Variants in AKAP19 observed in about 807,000 individuals in gnomAD.
AKAP19 encodes A-kinase anchoring protein 19, also known as small A-kinase anchoring protein.
the AKAP19 span, among the ~76,000 whole-genome samples, chr2:190,112,647 T>G: frequency 6.6e-6 from 1 of 152,198 alleles, no homozygotes; most frequent in Non-Finnish European, 1.5e-5. Context: ...TCTGTTGAGT[T>G]GGTCAAATGA....
chr2:190,200,604 C>T, the AKAP19 span: 1 of 177,036 alleles, frequency 5.6e-6, no homozygotes, highest in Non-Finnish European at 1.4e-5. Context: ...TAGTGATTAA[C>T]AGTAAGTCTT....
At chr2:190,175,006 G>GAGTACATA in the AKAP19 span, among the ~76,000 whole-genome samples, 63,426 of 151,852 alleles carry the variant, frequency 0.42, 15,594 homozygotes, top group Non-Finnish European at 0.57. Context: ...TAGATTACAT[G>GAGTACATA]GAGTACATAG....
chr2:189,953,367 G>GGCTCACA, the AKAP19 span, among the ~76,000 whole-genome samples: 1 of 151,666 alleles, frequency 6.6e-6, no homozygotes, highest in African/African-American at 2.4e-5. Context: ...CGGGCATGGT[G>GGCTCACA]GCTCACACCT....
At chr2:190,162,979 G>A in the AKAP19 span, among the ~76,000 whole-genome samples, 4 of 152,152 alleles carry the variant, frequency 2.6e-5, no homozygotes, top group Non-Finnish European at 5.9e-5. Flanking sequence ...AAAAGCAAGT[G>A]GAGTGCATTA....
At chr2:189,907,703 T>A in the AKAP19 span, among the ~76,000 whole-genome samples, 1 of 152,072 alleles carries the variant, frequency 6.6e-6, no homozygotes, top group East Asian at 1.9e-4. Flanking sequence ...TTTGTCTGAG[T>A]AGTAGAATTA....
chr2:189,958,716 C>A, the AKAP19 span, among the ~76,000 whole-genome samples: 1 of 151,208 alleles, frequency 6.6e-6, no homozygotes, highest in Non-Finnish European at 1.5e-5. Context: ...TGTTCATCAA[C>A]AGTAAAATGT....
chr2:190,024,241 C>T, the AKAP19 span, among the ~76,000 whole-genome samples: 1 of 151,494 alleles, frequency 6.6e-6, no homozygotes, highest in African/African-American at 2.4e-5. Context: ...GGCTGGAATG[C>T]ACTTGGAATC....
the AKAP19 span, among the ~76,000 whole-genome samples, chr2:190,197,305 C>T: frequency 0.28 from 42,311 of 152,012 alleles, 6,452 homozygotes; most frequent in East Asian, 0.47. The surrounding 1 kb of genome is among the most constrained non-coding windows in gnomAD (Gnocchi z 4.0). Context: ...TAACTAAATA[C>T]GAAAGTGTTC....
the AKAP19 span, among the ~76,000 whole-genome samples, chr2:189,929,793 C>A: frequency 6.6e-6 from 1 of 150,922 alleles, no homozygotes; most frequent in South Asian, 2.1e-4. Context: ...AAGCTTTAAA[C>A]TACTTTTTTT....
the AKAP19 span, among the ~76,000 whole-genome samples, chr2:190,021,179 A>G: frequency 2.6e-5 from 4 of 152,216 alleles, no homozygotes; most frequent in Admixed American, 2.6e-4. Context: ...TGCTATGCCA[A>G]TATCATACTT....
At chr2:190,062,260 C>G in the AKAP19 span, 1 of 1,612,986 alleles carries the variant, frequency 6.2e-7, no homozygotes. Context: ...TCCGTTGTAG[C>G]GTGATAATCG....
the AKAP19 span, among the ~76,000 whole-genome samples, chr2:189,942,124 G>A: frequency 3.9e-5 from 6 of 152,166 alleles, no homozygotes; most frequent in Admixed American, 2.6e-4. Flanking sequence ...CAAATCTCAT[G>A]TTGAATTATA....
At chr2:190,191,857 A>C in the AKAP19 span, among the ~76,000 whole-genome samples, 4 of 151,798 alleles carry the variant, frequency 2.6e-5, no homozygotes, top group Non-Finnish European at 5.9e-5. Context: ...TTCTGGATTC[A>C]AGTCATTTAT....
the AKAP19 span, among the ~76,000 whole-genome samples, chr2:189,894,325 A>C: frequency 6.6e-6 from 1 of 152,168 alleles, no homozygotes; most frequent in African/African-American, 2.4e-5. Context: ...TATTCAGTTT[A>C]ATCTCCCTGA....
chr2:190,167,945 C>T, the AKAP19 span, among the ~76,000 whole-genome samples: 1 of 152,158 alleles, frequency 6.6e-6, no homozygotes, highest in South Asian at 2.1e-4. Flanking sequence ...TGGTGGCCCT[C>T]TTCTCACGGC....
the AKAP19 span, among the ~76,000 whole-genome samples, chr2:189,882,619 C>A: frequency 6.6e-6 from 1 of 152,040 alleles, no homozygotes; most frequent in African/African-American, 2.4e-5. Context: ...TTTATATAAA[C>A]AATAGGGCAA....
the AKAP19 span, among the ~76,000 whole-genome samples, chr2:190,028,467 G>T: frequency 3.3e-5 from 5 of 152,186 alleles, no homozygotes; most frequent in African/African-American, 1.2e-4. Flanking sequence ...AAGTGTTCAT[G>T]AAAAAATTCA....
the AKAP19 span, chr2:189,930,729 A>G: frequency 3.1e-6 from 2 of 636,480 alleles, no homozygotes; most frequent in Non-Finnish European, 5.7e-6. Context: ...AGTCCATCAT[A>G]CAGATCACAC....
At chr2:190,019,809 GAC>G in the AKAP19 span, among the ~76,000 whole-genome samples, 433 of 152,210 alleles carry the variant, frequency 2.8e-3, 3 homozygotes, top group African/African-American at 9.8e-3. Context: ...GGAGGTGGGT[GAC>G]ACAGCCAAAG....
Sources: allele counts gnomAD v4.1 joint callset (sites outside exome capture counted in the v4.1 genomes callset), GRCh38; gene constraint gnomAD v4.1.1; non-coding constraint Gnocchi (gnomAD v3.1); transcripts MANE v1.5; gene names NCBI Gene and HGNC (gene_info 2026-07-23, HGNC 2026-07-21).